The following LPIN2 variants were observed in gnomAD, a reference collection of about 807,000 sequenced individuals.
The protein encoded by LPIN2 is phosphatidate phosphatase LPIN2.
A neutral mutation model predicts 111.4 loss-of-function variants in LPIN2; 55 were observed. That is an observed-to-expected ratio of 0.49 (90% CI 0.40 to 0.62). The LOEUF (loss-of-function observed/expected upper bound fraction) is 0.62, where lower values mean the gene tolerates loss of function less well. LPIN2 is among the 20% of genes least tolerant of loss of function. The probability of loss-of-function intolerance (pLI) is 0.00; values close to 1 mark genes in which losing one functional copy is unlikely to be tolerated. For synonymous variants in LPIN2, 425 were observed against 414.0 expected (o/e 1.03, Z -0.32); for missense variants, 992 against 1,112.1 (o/e 0.89, Z 1.54).
intron 1 of LPIN2, among the ~76,000 whole-genome samples, chr18:3,011,475 G>T (rs1406507948): frequency 6.6e-6 from 1 of 151,982 alleles, no homozygotes; most frequent in African/African-American, 2.4e-5. Flanking sequence ...ACCTGAGGTC[G>T]GCAGTTCGAG....
At chr18:2,988,346 A>G (rs2078217011) in intron 1 of LPIN2, among the ~76,000 whole-genome samples, 1 of 152,230 alleles carries the variant, frequency 6.6e-6, no homozygotes, top group South Asian at 2.1e-4. Flanking sequence ...TAGTTTCACA[A>G]TGTTTAGAAA....
intron 11 of LPIN2, 107 bp downstream of exon 11, chr18:2,928,484 T>C (rs1024901927): frequency 3.7e-6 from 4 of 1,089,200 alleles, no homozygotes; most frequent in Non-Finnish European, 4.2e-6. Flanking sequence ...TAAGCTCAAG[T>C]AAAACTTTGA....
intron 2 of LPIN2, among the ~76,000 whole-genome samples, chr18:2,955,632 T>A (rs374369389): frequency 2.0e-5 from 3 of 152,118 alleles, no homozygotes; most frequent in African/African-American, 7.2e-5. Context: ...CTCCTATGTA[T>A]GGGCCGGGTG....
chr18:3,009,971 T>C (rs1011420565), intron 1 of LPIN2, among the ~76,000 whole-genome samples: 1 of 152,198 alleles, frequency 6.6e-6, no homozygotes, highest in African/African-American at 2.4e-5. Flanking sequence ...CCTTCCTTTC[T>C]GACTGAGAAG....
At chr18:2,987,270 T>C (rs752520954) in intron 1 of LPIN2, among the ~76,000 whole-genome samples, 3 of 152,162 alleles carry the variant, frequency 2.0e-5, no homozygotes, top group Non-Finnish European at 4.4e-5. Context: ...GGTGGCTCAG[T>C]GCATCACAAC....
At chr18:2,940,311 G>A (rs1306628887) in intron 5 of LPIN2, among the ~76,000 whole-genome samples, 1 of 152,192 alleles carries the variant, frequency 6.6e-6, no homozygotes, top group African/African-American at 2.4e-5. Flanking sequence ...TGGGAAAACA[G>A]AGCGAGACCT....
intron 3 of LPIN2, among the ~76,000 whole-genome samples, chr18:2,953,983 C>T (rs1478568551): frequency 2.6e-5 from 4 of 152,156 alleles, no homozygotes; most frequent in African/African-American, 9.7e-5. Context: ...AGAAGTCAAA[C>T]ATGTAATCAC....
At chr18:2,933,840 G>C (rs2144174889) in intron 8 of LPIN2, among the ~76,000 whole-genome samples, 1 of 152,298 alleles carries the variant, frequency 6.6e-6, no homozygotes, top group East Asian at 1.9e-4. Context: ...GGACAGTGAG[G>C]GAGGCTGGGT....
chr18:2,954,019 T>C (rs1045070301), intron 3 of LPIN2, among the ~76,000 whole-genome samples: 1 of 152,140 alleles, frequency 6.6e-6, no homozygotes, highest in African/African-American at 2.4e-5. Context: ...GGCCAATTAA[T>C]TTAACTCTCT....
chr18:2,929,073 T>C lies in LPIN2; in HGVS notation c.1542A>G (p.Ile514Met). ...LIDNPNLVIR[I>M]YNRYYNWALA... ...AAAGCAGGAGTATTTACCGATTATATATCCTTATTACAAGGTTAGGATTGT... is the reference window on the plus strand; with the variant it reads ...AAAGCAGGAGTATTTACCGATTATACATCCTTATTACAAGGTTAGGATTGT... The change falls in exon 10 of 20, where the codon ATA becomes ATG. Residue 514 changes from isoleucine (I) to methionine (M), a missense_variant. Around this residue, in one of 4 missense-constraint regions of LPIN2, gnomAD observed 709 missense variants for 753.2 expected, o/e 0.94. Coordinates refer to ENST00000677752, the MANE Select transcript of LPIN2 (RefSeq NM_001375808.2). 6.3e-7 allele frequency: 1 copy of C among 1,577,210 alleles called. No individual in the cohort carries two copies. Among genetic ancestry groups the C allele is most frequent in the Non-Finnish European group, 8.7e-7 (1 of 1,146,758 alleles).
At chr18:2,987,405 A>G (rs1175349304) in intron 1 of LPIN2, among the ~76,000 whole-genome samples, 7 of 152,264 alleles carry the variant, frequency 4.6e-5, no homozygotes, top group Non-Finnish European at 4.4e-5. Context: ...GGTGAGCAAG[A>G]GTTGATTATA....
rs1226982070 is a variant in LPIN2 at position 2,917,099 on chromosome 18, CTAAGAGTACTG to C, written c.*3183_*3193del. The C allele has an allele frequency of 6.6e-6, 1 of 152,202 alleles. No individual in the cohort carries two copies. Among genetic ancestry groups the C allele is most frequent in the Non-Finnish European group, 1.5e-5 (1 of 68,042 alleles). 9.4% of individuals were successfully genotyped at this position (152,202 alleles called of 1,614,324 possible). A position where few individuals can be genotyped will look rare whatever the true frequency, so the allele number is the denominator to read the frequency against. On this transcript the variant is annotated 3_prime_UTR_variant, in exon 20 of 20. Transcript: ENST00000677752. ...TCTTGCAACAATTGCTTTACTGTAACTAAGAGTACTGTACTGATGATGTTTACAATTAACTT... is the reference window on the plus strand; with the variant it reads ...TCTTGCAACAATTGCTTTACTGTAACTACTGATGATGTTTACAATTAACTT...
At chr18:2,922,021 C>T in intron 17 of LPIN2, 26 bp downstream of exon 17, 1 of 1,605,842 alleles carries the variant, frequency 6.2e-7, no homozygotes, top group Non-Finnish European at 8.5e-7. Context: ...GGGCGGTGGG[C>T]AGAGGGCTGC....
intron 4 of LPIN2, chr18:2,945,532 C>A (rs1260571385): frequency 1.7e-6 from 2 of 1,202,472 alleles, no homozygotes; most frequent in East Asian, 4.7e-5. Context: ...AATAGCCTTC[C>A]TCCCATCTCC....
Position 2,922,344 on chromosome 18 carries a change from G to A in LPIN2, c.2175-145C>T, listed in dbSNP as rs571103202. The A allele has an allele frequency of 1.9e-4, 168 of 881,406 alleles. 4 individuals carry two copies. In the South Asian group the frequency reaches 2.2e-3, roughly 12 times the overall value. 54.6% of individuals were successfully genotyped at this position (881,406 alleles called of 1,614,324 possible). On this transcript the variant is annotated intron_variant, in intron 16 of 19. Coordinates refer to ENST00000677752, the MANE Select transcript of LPIN2 (RefSeq NM_001375808.2). ...GGCTGGAGTGCTGTGGCGCCATCTC[G>A]GCTCACTGCAACCTCCACCTCCTGG...
At chr18:2,946,500 G>T (rs576165260) in intron 4 of LPIN2, 1 of 1,564,334 alleles carries the variant, frequency 6.4e-7, no homozygotes, top group Admixed American at 1.7e-5. Context: ...GGATCGAAGC[G>T]CTGACCGCAG....
chr18:2,936,847 G>T (rs1012898335), intron 7 of LPIN2, among the ~76,000 whole-genome samples: 2 of 152,214 alleles, frequency 1.3e-5, no homozygotes, highest in African/African-American at 4.8e-5. Flanking sequence ...CCTAAGTACT[G>T]GGATTACAGG....
chr18:2,960,634 C>T lies in LPIN2; in HGVS notation c.192+15G>A. On this transcript the variant is annotated intron_variant, in intron 2 of 19. Coordinates refer to ENST00000677752, the MANE Select transcript of LPIN2 (RefSeq NM_001375808.2). ...GAATCTCAGGATGACTTTTCCTCTC[C>T]TTGAGGACACTCACCACTTTCTCTT... The T allele has an allele frequency of 4.3e-6, 7 of 1,613,574 alleles. No homozygotes were observed. The highest frequency in any genetic ancestry group is 5.9e-6 in the Non-Finnish European group (7 of 1,179,706).
intron 1 of LPIN2, among the ~76,000 whole-genome samples, chr18:3,011,006 C>A (rs1401679551): frequency 6.6e-6 from 1 of 152,132 alleles, no homozygotes; most frequent in Non-Finnish European, 1.5e-5. Flanking sequence ...CTGCCTGCTG[C>A]GTCTACCTTC....
Sources: gnomAD v4.1 joint callset for allele counts (sites outside exome capture counted in the v4.1 genomes callset) on GRCh38, gnomAD v4.1.1 for gene constraint, gnomAD v4.1.1 regional missense constraint, MANE v1.5 for transcripts, NCBI Gene and HGNC (gene_info 2026-07-23, HGNC 2026-07-21) for gene names.